MMUT: variants seen among roughly 807,000 people sequenced by gnomAD.
MMUT encodes the protein methylmalonyl-CoA mutase, mitochondrial.
MMUT carries 79 observed loss-of-function variants against 79.9 expected under a neutral mutation model. The ratio of observed to expected loss-of-function variants is 0.99; its 90% confidence interval spans 0.82 to 1.19. The LOEUF (loss-of-function observed/expected upper bound fraction) is 1.19. Among genes scored for constraint, MMUT ranks in the 50% most tolerant of loss-of-function variants. MMUT has a pLI of 0.00. For missense variants in MMUT, 860 were observed against 917.2 expected, an observed-to-expected ratio of 0.94 and a Z score of 0.81; for synonymous variants, 273 against 295.7, an observed-to-expected ratio of 0.92 and a Z score of 0.79.
intron 4 of MMUT, 131 bp downstream of exon 4, chr6:49,455,949 T>C: frequency 1.2e-6 from 1 of 820,424 alleles, no homozygotes; most frequent in East Asian, 2.7e-5. Context: ...TCTCTCATTA[T>C]CACTCAGATA....
intron 12 of MMUT, among the ~76,000 whole-genome samples, chr6:49,434,942 T>C (rs966476001): frequency 2.0e-5 from 3 of 152,182 alleles, no homozygotes; most frequent in African/African-American, 7.2e-5. Context: ...GATATAGCTC[T>C]GAGGTAAGAT....
At chr6:49,451,820 A>G in intron 5 of MMUT, 106 bp from the exon 6 acceptor site, 1 of 1,212,180 alleles carries the variant, frequency 8.2e-7, no homozygotes, top group Non-Finnish European at 1.2e-6. Context: ...TTTCTATGTC[A>G]ATTTCCATAT....
intron 3 of MMUT, among the ~76,000 whole-genome samples, chr6:49,456,657 T>C (rs1767698920): frequency 6.6e-6 from 1 of 152,200 alleles, no homozygotes; most frequent in African/African-American, 2.4e-5. Flanking sequence ...ATAAATTTAT[T>C]ATTATTTACT....
At chr6:49,440,577 T>C (rs532855260) in intron 10 of MMUT, among the ~76,000 whole-genome samples, 11 of 152,234 alleles carry the variant, frequency 7.2e-5, no homozygotes, top group South Asian at 6.2e-4. Context: ...AACAGCTGCA[T>C]AGATCACCCC....
At chr6:49,457,580 A>T (rs2127419843) in intron 3 of MMUT, 111 bp downstream of exon 3, 1 of 946,424 alleles carries the variant, frequency 1.1e-6, no homozygotes, top group Non-Finnish European at 1.5e-6. Context: ...ATAACAAAAC[A>T]TTCTAAATTT....
At chr6:49,453,834 C>G (rs1382609967) in intron 4 of MMUT, 78 bp from the exon 5 acceptor site, 9 of 1,231,240 alleles carry the variant, frequency 7.3e-6, no homozygotes, top group African/African-American at 6.0e-5. Context: ...TTGTATCACA[C>G]ACTAGAAAAT....
intron 6 of MMUT, 128 bp downstream of exon 6, chr6:49,451,338 T>G (rs1362010526): frequency 1.8e-6 from 2 of 1,108,670 alleles, no homozygotes; most frequent in African/African-American, 3.2e-5. Flanking sequence ...TAAATTATTA[T>G]ATAAATCTGT....
intron 2 of MMUT, 101 bp from the exon 3 acceptor site, chr6:49,458,159 A>T: frequency 8.5e-7 from 1 of 1,176,088 alleles, no homozygotes; most frequent in Non-Finnish European, 1.2e-6. Context: ...ATCTCATAAC[A>T]GTACACTTTT....
intron 6 of MMUT, among the ~76,000 whole-genome samples, chr6:49,451,050 T>C (rs1767538046): frequency 6.6e-6 from 1 of 152,164 alleles, no homozygotes; most frequent in African/African-American, 2.4e-5. Context: ...TAAGGTCTCA[T>C]GTGTAATGTC....
chr6:49,456,255 T>C lies in MMUT; in HGVS notation c.754-18A>G, dbSNP rs746457518. 3.0e-5 allele frequency: 44 copies of C among 1,453,876 alleles called. No homozygotes were observed. The highest frequency in any genetic ancestry group is 1.7e-4 in the Admixed American group (10 of 59,196). 90.1% of individuals were successfully genotyped at this position (1,453,876 alleles called of 1,614,324 possible). ...GGCATGTGCTACATAAAAAAAAAAA[T>C]TGTAACAGTGAATAAGTAAAAATAT... is the stretch of plus-strand genomic sequence containing the variant. On this transcript the variant is annotated intron_variant, in intron 3 of 12. Transcript: ENST00000274813.
chr6:49,433,796 G>C (rs909687018), intron 12 of MMUT, among the ~76,000 whole-genome samples: 8 of 152,084 alleles, frequency 5.3e-5, no homozygotes, highest in African/African-American at 1.9e-4. Context: ...TTGAATAATA[G>C]CAACATTTTA....
At chr6:49,435,758 C>G in intron 11 of MMUT, 135 bp from the exon 12 acceptor site, 1 of 926,662 alleles carries the variant, frequency 1.1e-6, no homozygotes, top group Non-Finnish European at 1.6e-6. Flanking sequence ...ATGCCAAAAG[C>G]AATTACAACA....
chr6:49,440,205 C>T lies in MMUT; in HGVS notation c.1956+1G>A, dbSNP rs1487802284. The stretch of plus-strand genomic sequence containing the variant: ...AAATTCCCCCCAACAGTTTTTAGTA[C>T]CTGGAAAAGAGGGCCTATGTCCACA... On this transcript the variant is annotated splice_donor_variant, in intron 11 of 12. Coordinates refer to ENST00000274813, the MANE Select transcript of MMUT (RefSeq NM_000255.4). LOFTEE classifies it high-confidence loss of function. 7 of 1,613,822 alleles carry T rather than the reference C, an allele frequency of 4.3e-6. No homozygotes were observed. The highest frequency in any genetic ancestry group is 1.3e-5 in the African/African-American group (1 of 74,876).
chr6:49,432,723 A>G (rs974158824), intron 12 of MMUT, among the ~76,000 whole-genome samples: 42 of 152,280 alleles, frequency 2.8e-4, no homozygotes, highest in African/African-American at 9.6e-4. Context: ...TATGAGTGAA[A>G]AGATATCAAG....
At position 49,430,660 on chromosome 6, in the gene MMUT, T is replaced by C. The variant is rs1171274218; in HGVS notation, c.*1068A>G. On this transcript the variant is annotated 3_prime_UTR_variant, in exon 13 of 13. Coordinates refer to ENST00000274813, the MANE Select transcript of MMUT (RefSeq NM_000255.4). ...TCCAAAAGACTGCTCTCTGATCTAA[T>C]ACAATAGAAATTTATTAAAAAAGAT... 6.6e-6 allele frequency: 1 copy of C among 152,198 alleles called. No homozygotes were observed. The highest frequency in any genetic ancestry group is 2.4e-5 in the African/African-American group (1 of 41,446). The allele number at this position is 152,198 out of a possible 1,614,324, so 9.4% of individuals were successfully genotyped here. A position where few individuals can be genotyped will look rare whatever the true frequency, so the allele number is the denominator to read the frequency against.
chr6:49,448,623 T>C (rs1767469191), intron 7 of MMUT, among the ~76,000 whole-genome samples, 193 bp downstream of exon 7: 1 of 152,180 alleles, frequency 6.6e-6, no homozygotes, highest in Admixed American at 6.5e-5. Flanking sequence ...ACACACTTTG[T>C]ACATATGCTT....
intron 11 of MMUT, among the ~76,000 whole-genome samples, chr6:49,437,375 G>A (rs1380957296): frequency 1.3e-5 from 2 of 151,804 alleles, no homozygotes; most frequent in African/African-American, 2.4e-5. Flanking sequence ...ACACACAATA[G>A]CCACACAATT....
At chr6:49,435,420 C>G (rs771299021) in intron 12 of MMUT, 36 bp downstream of exon 12, 2 of 1,571,814 alleles carry the variant, frequency 1.3e-6, no homozygotes, top group Non-Finnish European at 1.8e-6. Flanking sequence ...CTCAAGATTC[C>G]CATCACAGTA....
intron 1 of MMUT, among the ~76,000 whole-genome samples, chr6:49,460,702 T>C (rs1767820677): frequency 6.6e-6 from 1 of 152,244 alleles, no homozygotes; most frequent in South Asian, 2.1e-4. Context: ...CATTAATATA[T>C]TCACTATACT....
Sources: gnomAD v4.1 joint callset for allele counts (sites outside exome capture counted in the v4.1 genomes callset) on GRCh38, gnomAD v4.1.1 for gene constraint, MANE v1.5 for transcripts, NCBI Gene and HGNC (gene_info 2026-07-23, HGNC 2026-07-21) for gene names.